The following STK33 variants were observed in gnomAD, a reference collection of about 807,000 sequenced individuals.
STK33 encodes the protein serine/threonine-protein kinase 33.
A neutral mutation model predicts 58.0 loss-of-function variants in STK33; 52 were observed. The observed-to-expected ratio is 0.90, with a 90% CI of 0.72 to 1.13. The LOEUF (loss-of-function observed/expected upper bound fraction) is 1.13, where lower values mean the gene tolerates loss of function less well. Ranked by LOEUF, STK33 falls within the 50% of genes most tolerant of loss-of-function variation. The pLI, the probability that STK33 is intolerant of heterozygous loss-of-function variation, is 0.00. For missense variants in STK33, 630 were observed against 604.2 expected (o/e 1.04, Z -0.45); for synonymous variants, 215 against 200.1 (o/e 1.07, Z -0.63).
chr11:8,421,163 T>A (rs1202535078), intron 14 of STK33, among the ~76,000 whole-genome samples: 1 of 152,174 alleles, frequency 6.6e-6, no homozygotes, highest in Non-Finnish European at 1.5e-5. Context: ...AATCCATCAT[T>A]TCTTTTATGT....
chr11:8,490,600 G>A (rs190077002), intron 1 of STK33, among the ~76,000 whole-genome samples: 10 of 152,292 alleles, frequency 6.6e-5, no homozygotes, highest in East Asian at 1.9e-4. Context: ...CTCTGAGAAC[G>A]GACAGACTAC....
chr11:8,579,501 C>A (rs541889125), intron 1 of STK33, among the ~76,000 whole-genome samples: 1 of 151,872 alleles, frequency 6.6e-6, no homozygotes, highest in East Asian at 1.9e-4. Flanking sequence ...TTTTATCTCT[C>A]TTGTAGATGA....
At chr11:8,575,653 T>C (rs1217813213) in intron 1 of STK33, among the ~76,000 whole-genome samples, 1 of 152,108 alleles carries the variant, frequency 6.6e-6, no homozygotes, top group Non-Finnish European at 1.5e-5. Context: ...GTTGAAAATT[T>C]TTGGAAGTAG....
intron 6 of STK33, 70 bp from the exon 7 acceptor site, chr11:8,464,892 C>T: frequency 1.1e-6 from 1 of 913,600 alleles, no homozygotes; most frequent in Non-Finnish European, 1.7e-6. Flanking sequence ...ACATATAATA[C>T]TGACAGATAC....
intron 1 of STK33, among the ~76,000 whole-genome samples, chr11:8,545,530 A>G (rs921337582): frequency 3.9e-5 from 6 of 152,216 alleles, no homozygotes; most frequent in Non-Finnish European, 2.9e-5. Context: ...GCGTTTGTTT[A>G]AAGATTACTA....
intron 1 of STK33, among the ~76,000 whole-genome samples, chr11:8,585,624 C>T (rs2031434656): frequency 6.6e-6 from 1 of 152,028 alleles, no homozygotes; most frequent in East Asian, 1.9e-4. Flanking sequence ...CAAAATGGAC[C>T]TCAGGCAGGG....
intron 6 of STK33, among the ~76,000 whole-genome samples, chr11:8,472,927 T>C (rs1004523792): frequency 3.3e-5 from 5 of 152,208 alleles, no homozygotes; most frequent in African/African-American, 1.2e-4. Context: ...ACTATCCTCA[T>C]TTTAGCTAAT....
chr11:8,465,446 C>T (rs1340457064), intron 6 of STK33: 5 of 152,142 alleles, frequency 3.3e-5, no homozygotes, highest in African/African-American at 1.2e-4. Context: ...ATCCTCTTAT[C>T]ATTTAACTTC....
chr11:8,369,295 CTGTGTG>C, the STK33 span, among the ~76,000 whole-genome samples: 1,426 of 137,736 alleles, frequency 0.01, 14 homozygotes, highest in Admixed American at 0.026. Context: ...GGTTTTTACT[CTGTGTG>C]TGTGTGTGTG....
Position 8,464,840 on chromosome 11 carries a change from AAG to A in STK33, c.340-20_340-19del. On this transcript the variant is annotated intron_variant, in intron 6 of 15. Transcript: ENST00000687296. ...TAGATTTCCTGGAGAAAAAAAAAAAAAGAGTTGTCTCTCTATGCCATTCATCA... is the reference window on the plus strand; with the variant it reads ...TAGATTTCCTGGAGAAAAAAAAAAAAAGTTGTCTCTCTATGCCATTCATCA... 1 of 1,511,052 alleles carries A rather than the reference AAG, an allele frequency of 6.6e-7. No individual in the cohort carries two copies. Among genetic ancestry groups the A allele is most frequent in the Non-Finnish European group, 9.2e-7 (1 of 1,092,214 alleles). The allele number at this position is 1,511,052 out of a possible 1,614,324, so 93.6% of individuals were successfully genotyped here. A position where few individuals can be genotyped will look rare whatever the true frequency, so the allele number is the denominator to read the frequency against.
intron 14 of STK33, among the ~76,000 whole-genome samples, chr11:8,431,394 A>G (rs1295735084): frequency 6.6e-6 from 1 of 152,204 alleles, no homozygotes; most frequent in Admixed American, 6.5e-5. Context: ...GTCAAAAGCC[A>G]ATGATCAAAA....
chr11:8,482,857 G>A (rs1949925054), intron 1 of STK33, among the ~76,000 whole-genome samples: 1 of 151,924 alleles, frequency 6.6e-6, no homozygotes, highest in Admixed American at 6.6e-5. Context: ...AGCCTCCCGA[G>A]TAGCTGGGAC....
rs1949120537 is a variant in STK33, at chr11:8,474,861, G to T, written c.45C>A (p.Asp15Glu). ...GLDKKSTKCP[D>E]CSSASQKDVL... ...CATCTTTCTGAGAAGCAGATGAACAGTCGGGGCATTTTGTGGATTTTTTAT... is the reference window on the plus strand; with the variant it reads ...CATCTTTCTGAGAAGCAGATGAACATTCGGGGCATTTTGTGGATTTTTTAT... The change falls in exon 5 of 16, where the codon GAC becomes GAA. Residue 15 changes from aspartate (D) to glutamate (E), a missense_variant. By Grantham distance (45) the Asp-to-Glu change is conservative. Coordinates refer to ENST00000687296, the MANE Select transcript of STK33 (RefSeq NM_001352389.2). 6.3e-7 allele frequency: 1 copy of T among 1,598,446 alleles called. No homozygotes were observed. The highest frequency in any genetic ancestry group is 1.3e-5 in the African/African-American group (1 of 74,338).
chr11:8,365,566 A>C, the STK33 span, among the ~76,000 whole-genome samples: 8 of 152,026 alleles, frequency 5.3e-5, no homozygotes, highest in Admixed American at 1.3e-4. Flanking sequence ...GCCTCTGCCC[A>C]TGTCTGAATC....
intron 1 of STK33, among the ~76,000 whole-genome samples, chr11:8,569,153 C>T (rs1565386279): frequency 1.3e-5 from 2 of 152,138 alleles, no homozygotes; most frequent in Admixed American, 1.3e-4. Flanking sequence ...CAAAGTGATA[C>T]TAGCATGCAT....
chr11:8,409,307 G>A (rs1234439267), intron 15 of STK33, among the ~76,000 whole-genome samples: 1 of 152,190 alleles, frequency 6.6e-6, no homozygotes, highest in Non-Finnish European at 1.5e-5. Flanking sequence ...TGGAACCTGT[G>A]GCTTTCTGCA....
At chr11:8,431,081 GATCGCA>G (rs545984318) in intron 14 of STK33, among the ~76,000 whole-genome samples, 1 of 152,150 alleles carries the variant, frequency 6.6e-6, no homozygotes, top group East Asian at 1.9e-4. Flanking sequence ...TGGCCAGGCT[GATCGCA>G]AACTCCTGAC....
At chr11:8,429,011 A>G (rs2136105810) in intron 14 of STK33, among the ~76,000 whole-genome samples, 1 of 152,294 alleles carries the variant, frequency 6.6e-6, no homozygotes, top group East Asian at 1.9e-4. Flanking sequence ...TAGGTGATTA[A>G]TAAAATCCAT....
chr11:8,541,775 T>TA (rs1473970259), intron 1 of STK33, among the ~76,000 whole-genome samples: 1 of 152,182 alleles, frequency 6.6e-6, no homozygotes, highest in Non-Finnish European at 1.5e-5. Flanking sequence ...AAGAGCAAAA[T>TA]ATCTGAAAAA....
Sources: gnomAD v4.1 joint callset for allele counts (sites outside exome capture counted in the v4.1 genomes callset) on GRCh38, gnomAD v4.1.1 for gene constraint, MANE v1.5 for transcripts, NCBI Gene and HGNC (gene_info 2026-07-23, HGNC 2026-07-21) for gene names.